The following DOK7 variants were observed in gnomAD, a reference collection of about 807,000 sequenced individuals.
DOK7 encodes the protein docking protein 7, also known as protein Dok-7.
In DOK7, 32 loss-of-function variants were observed where a neutral mutation model predicts 30.7. The ratio of observed to expected loss-of-function variants is 1.04; its 90% CI spans 0.79 to 1.40. The LOEUF (loss-of-function observed/expected upper bound fraction) is 1.40, where lower values mean the gene tolerates loss of function less well. Ranked by LOEUF, DOK7 falls within the 40% of genes most tolerant of loss-of-function variation. The probability of loss-of-function intolerance (pLI) is 0.00; values close to 1 mark genes in which losing one functional copy is unlikely to be tolerated. For missense variants in DOK7, 1,007 were observed against 699.2 expected (o/e 1.44, Z -4.97); for synonymous variants, 447 against 324.1 (o/e 1.38, Z -4.07).
At chr4:3,470,345 G>T (rs915646396) in intron 2 of DOK7, among the ~76,000 whole-genome samples, 13 of 152,212 alleles carry the variant, frequency 8.5e-5, no homozygotes, top group Non-Finnish European at 1.6e-4. Context: ...TTCCGGGGTC[G>T]GGAGTGGACA....
intron 6 of DOK7, 56 bp downstream of exon 6, chr4:3,489,852 A>G: frequency 3.2e-6 from 5 of 1,547,366 alleles, no homozygotes; most frequent in Non-Finnish European, 4.4e-6. Flanking sequence ...CCAGCAGGAG[A>G]GCTCAGGAGG....
At chr4:3,488,077 G>A (rs1349987621) in intron 5 of DOK7, among the ~76,000 whole-genome samples, 4 of 152,244 alleles carry the variant, frequency 2.6e-5, no homozygotes, top group African/African-American at 4.8e-5. Flanking sequence ...GGCTGCCATC[G>A]CCTTCCACCC....
At chr4:3,500,242 C>CCCCCA in intron 6 of DOK7, 1 of 1,534,812 alleles carries the variant, frequency 6.5e-7, no homozygotes, top group South Asian at 1.2e-5. Context: ...ACAGCCGCTC[C>CCCCCA]CCCCACAGGA....
intron 4 of DOK7, among the ~76,000 whole-genome samples, chr4:3,478,924 C>A (rs116405543): frequency 6.6e-6 from 1 of 152,166 alleles, no homozygotes; most frequent in African/African-American, 2.4e-5. Flanking sequence ...GGGGAGTCTG[C>A]GGCACGTGTG....
In DOK7 at chr4:3,473,565, T is replaced by C; in HGVS notation, c.260T>C (p.Ile87Thr). ...TLAIVCLSQA[I>T]MLGFDSHEAM... ...GCCATTGTCTGCCTGTCCCAGGCCA[T>C]CATGCTGGGCTTTGACAGCCACGAG... is the stretch of plus-strand genomic sequence containing the variant. Residue 87 changes from isoleucine to threonine, a missense_variant, in exon 3 of 7, where the codon ATC (isoleucine) becomes ACC (threonine). Ile to Thr is a moderately conservative substitution (Grantham distance 89, BLOSUM62 -1). Transcript: ENST00000340083. The C allele has an allele frequency of 1.9e-6, 3 of 1,610,456 alleles. No individual in the cohort carries two copies. The highest frequency in any genetic ancestry group is 2.5e-6 in the Non-Finnish European group (3 of 1,179,196).
intron 6 of DOK7, among the ~76,000 whole-genome samples, chr4:3,491,932 C>T (rs1022014200): frequency 3.3e-5 from 5 of 152,242 alleles, no homozygotes; most frequent in African/African-American, 1.2e-4. Context: ...CGGCCAGTGC[C>T]CTCTGATCAC....
chr4:3,472,654 C>T (rs1462168691), intron 2 of DOK7, among the ~76,000 whole-genome samples: 2 of 152,374 alleles, frequency 1.3e-5, no homozygotes, highest in East Asian at 3.9e-4. Context: ...GTTTGAGCTG[C>T]ACCTGGTGGA....
chr4:3,484,510 A>T, intron 4 of DOK7: 2 of 985,488 alleles, frequency 2.0e-6, no homozygotes, highest in Non-Finnish European at 2.4e-6. Flanking sequence ...CGCCAGCCGG[A>T]GTGTCCAGCC....
chr4:3,491,894 AC>A (rs1429035008), intron 6 of DOK7, among the ~76,000 whole-genome samples: 1 of 152,190 alleles, frequency 6.6e-6, no homozygotes, highest in Admixed American at 6.5e-5. Flanking sequence ...CTGTGTTCCC[AC>A]GGCCAAGTGC....
chr4:3,475,482 T>A (rs1239388335), intron 3 of DOK7, among the ~76,000 whole-genome samples: 1 of 152,178 alleles, frequency 6.6e-6, no homozygotes, highest in Non-Finnish European at 1.5e-5. Flanking sequence ...CCTGGTGTGC[T>A]GACCTGGGAA....
downstream of DOK7, among the ~76,000 whole-genome samples, chr4:3,497,930 G>A (rs1024497600): frequency 3.3e-5 from 5 of 152,294 alleles, no homozygotes; most frequent in East Asian, 1.9e-4. Context: ...GAGGCCACCC[G>A]TACCCTTCAG....
At chr4:3,489,457 C>T (rs906446662) in intron 5 of DOK7, among the ~76,000 whole-genome samples, 4 of 152,152 alleles carry the variant, frequency 2.6e-5, no homozygotes, top group Non-Finnish European at 5.9e-5. Context: ...TCCACGGGCA[C>T]AGGGACCCAG....
intron 4 of DOK7, among the ~76,000 whole-genome samples, chr4:3,478,371 C>T (rs1369330665): frequency 6.6e-6 from 1 of 152,212 alleles, no homozygotes; most frequent in Non-Finnish European, 1.5e-5. Context: ...CTCCCCAGGG[C>T]GAGGCTACTG....
intron 2 of DOK7, among the ~76,000 whole-genome samples, chr4:3,470,623 C>G (rs74705472): frequency 0.034 from 5,156 of 152,292 alleles, 298 homozygotes; most frequent in African/African-American, 0.12. Flanking sequence ...GCAAATTCAA[C>G]TCTTGGCCAG....
intron 3 of DOK7, among the ~76,000 whole-genome samples, chr4:3,473,942 T>G (rs1249036237): frequency 6.6e-6 from 1 of 151,658 alleles, no homozygotes; most frequent in Non-Finnish European, 1.5e-5. Context: ...GCCCTTTGCT[T>G]CCTACACTGG....
In DOK7 at chr4:3,493,688, G is replaced by C; in HGVS notation, c.*187G>C. On this transcript the variant is annotated 3_prime_UTR_variant, in exon 7 of 7. Coordinates refer to ENST00000340083, the MANE Select transcript of DOK7 (RefSeq NM_173660.5). ...CCGGAGGAAGGGGCTGACTTGGGGA[G>C]GTGAGTTCTGGAAGGCAGGGGCTCT... 6.9e-7 allele frequency: 1 copy of C among 1,442,186 alleles called. No homozygotes were observed. Among genetic ancestry groups the C allele is most frequent in the Non-Finnish European group, 9.1e-7 (1 of 1,099,186 alleles). 89.3% of individuals were successfully genotyped at this position (1,442,186 alleles called of 1,614,324 possible).
At chr4:3,491,061 G>A (rs73195136) in intron 6 of DOK7, among the ~76,000 whole-genome samples, 15,188 of 75,302 alleles carry the variant, frequency 0.2, 1,630 homozygotes, top group Admixed American at 0.24. Flanking sequence ...CTTTTCCCCC[G>A]GCTCATTCCT....
At chr4:3,473,858 C>G (rs1367098997) in intron 3 of DOK7, among the ~76,000 whole-genome samples, 1 of 152,192 alleles carries the variant, frequency 6.6e-6, no homozygotes, top group Non-Finnish European at 1.5e-5. Flanking sequence ...GCTCCCTAGC[C>G]TGACCGTTAG....
intron 4 of DOK7, among the ~76,000 whole-genome samples, chr4:3,482,698 C>A (rs1727505551): frequency 6.6e-6 from 1 of 152,234 alleles, no homozygotes; most frequent in African/African-American, 2.4e-5. Context: ...CCCCCTTTCC[C>A]CAAACACACA....
Sources: allele counts gnomAD v4.1 joint callset (sites outside exome capture counted in the v4.1 genomes callset), GRCh38; gene constraint gnomAD v4.1.1; transcripts MANE v1.5; gene names NCBI Gene and HGNC (gene_info 2026-07-23, HGNC 2026-07-21).